The following BCHE variants were observed in gnomAD, a reference collection of about 807,000 sequenced individuals.
The protein encoded by BCHE is cholinesterase.
In BCHE, 48 loss-of-function variants were observed where a neutral mutation model predicts 51.3. The observed-to-expected ratio is 0.94, with a 90% CI of 0.74 to 1.19. The LOEUF (loss-of-function observed/expected upper bound fraction) is 1.19, where lower values mean the gene tolerates loss of function less well. BCHE is among the 50% of genes most tolerant of loss of function. The pLI is 0.00. For synonymous variants in BCHE, 251 were observed against 238.0 expected (o/e 1.05, Z -0.50); for missense variants, 847 against 708.2 (o/e 1.20, Z -2.23).
intron 2 of BCHE, among the ~76,000 whole-genome samples, chr3:165,814,335 T>A (rs1038200287): frequency 6.6e-6 from 1 of 152,092 alleles, no homozygotes; most frequent in Non-Finnish European, 1.5e-5. Flanking sequence ...ACCATTTTTT[T>A]AAGAAGATAA....
chr3:165,830,190 T>C lies in BCHE; in HGVS notation c.844A>G (p.Arg282Gly), dbSNP rs746642541. ...TTGATTATTTCAGTCTCATTCTCTCTAGAGCAACCAGTCAATTTAGCTAAG... is the reference window on the plus strand; with the variant it reads ...TTGATTATTTCAGTCTCATTCTCTCCAGAGCAACCAGTCAATTTAGCTAAG... Reference protein sequence around the residue: ...LNLAKLTGCSRENETEIIKCL... With the variant: ...LNLAKLTGCSGENETEIIKCL... Residue 282 changes from arginine to glycine, a missense_variant, in exon 2 of 4, where the codon AGA becomes GGA. By Grantham distance (125) the Arg-to-Gly change is moderately radical. Coordinates refer to ENST00000264381, the MANE Select transcript of BCHE (RefSeq NM_000055.4). 19 of 1,614,008 alleles carry C rather than the reference T, an allele frequency of 1.2e-5. No homozygotes were observed. The highest frequency in any genetic ancestry group is 1.6e-5 in the Non-Finnish European group (19 of 1,179,930).
chr3:165,801,384 G>A (rs1713637903), intron 2 of BCHE, among the ~76,000 whole-genome samples: 1 of 152,184 alleles, frequency 6.6e-6, no homozygotes, highest in Admixed American at 6.5e-5. Flanking sequence ...ATTCAGAAAT[G>A]TCTATCTGAG....
chr3:165,775,602 A>G (rs1712440273), intron 3 of BCHE, among the ~76,000 whole-genome samples: 1 of 151,742 alleles, frequency 6.6e-6, no homozygotes, highest in South Asian at 2.1e-4. Flanking sequence ...CCTTATAGAA[A>G]GAGTCCTAGA....
Position 165,830,790 on chromosome 3 carries a change from C to G in BCHE, c.244G>C (p.Asp82His). Residue 82 changes from aspartate to histidine, a missense_variant, in exon 2 of 4, where the codon GAT (aspartate) becomes CAT (histidine). Asp to His is a moderately conservative substitution (Grantham distance 81). Coordinates refer to ENST00000264381, the MANE Select transcript of BCHE (RefSeq NM_000055.4). ...KKPQSLTKWS[D>H]IWNATKYANS... Reference sequence around the variant, plus strand: ...GCATATTTTGTGGCATTCCAAATATCAGACCACTTGGTCAGAGACTGTGGC... The same window carrying G: ...GCATATTTTGTGGCATTCCAAATATGAGACCACTTGGTCAGAGACTGTGGC... 1 of 1,613,694 alleles carries G rather than the reference C, an allele frequency of 6.2e-7. No homozygotes were observed. Among genetic ancestry groups the G allele is most frequent in the Non-Finnish European group, 8.5e-7 (1 of 1,179,802 alleles).
intron 2 of BCHE, among the ~76,000 whole-genome samples, chr3:165,801,767 G>C (rs541447443): frequency 1.3e-5 from 2 of 152,066 alleles, no homozygotes; most frequent in Admixed American, 6.6e-5. Context: ...TGACCATTCA[G>C]ATTCTGAGTT....
intron 3 of BCHE, among the ~76,000 whole-genome samples, chr3:165,783,218 A>T (rs140195425): frequency 4.6e-5 from 7 of 152,092 alleles, no homozygotes; most frequent in Non-Finnish European, 1.0e-4. Flanking sequence ...TGGAATGCAT[A>T]TTTCTTTATG....
At chr3:165,787,194 T>G (rs1712987574) in intron 2 of BCHE, among the ~76,000 whole-genome samples, 1 of 151,894 alleles carries the variant, frequency 6.6e-6, no homozygotes, top group South Asian at 2.1e-4. Flanking sequence ...TTTCAATATC[T>G]ACAGTGTTGA....
At position 165,830,284 on chromosome 3, in the gene BCHE, C is replaced by A; in HGVS notation, c.750G>T (p.Leu250=). 4 of 1,613,988 alleles carry A rather than the reference C, an allele frequency of 2.5e-6. No individual in the cohort carries two copies. The highest frequency in any genetic ancestry group is 3.4e-6 in the Non-Finnish European group (4 of 1,179,930). ...GSHSLFTRAI[L]QSGSFNAPWA... ...AAGGAGCATTAAAGGATCCACTTTG[C>A]AGAATGGCTCTGGTGAACAATGAAT... The change falls in exon 2 of 4, where the codon CTG becomes CTT. Residue 250 remains leucine, a synonymous_variant. Transcript: ENST00000264381.
In BCHE at chr3:165,830,549, G is replaced by A. The variant is rs1384581858; in HGVS notation, c.485C>T (p.Ala162Val). 1.2e-6 allele frequency: 2 copies of A among 1,613,898 alleles called. No individual in the cohort carries two copies. ...CACTACAATAACTCTTTCAACCCGA[G>A]CCAGAAACTTGCCATCATAAACATG... The part of the protein sequence containing the change: ...SLHVYDGKFL[A>V]RVERVIVVSM... The change falls in exon 2 of 4, where the codon GCT becomes GTT. Residue 162 changes from alanine (A) to valine (V), a missense_variant. Transcript: ENST00000264381.
At position 165,798,071 on chromosome 3, in the gene BCHE, GACA is replaced by G. The variant is rs1713489490; in HGVS notation, c.1518-11763_1518-11761del. On this transcript the variant is annotated intron_variant, in intron 2 of 3. Transcript: ENST00000264381. Reference sequence around the variant, plus strand: ...TAGACTTTAAGGCTCCGTAATAGCAGACAACATGTCTGTTTTTTTGACTCTTGT... The same window carrying G: ...TAGACTTTAAGGCTCCGTAATAGCAGACATGTCTGTTTTTTTGACTCTTGT... Among the ~76,000 whole-genome samples, 3 of 152,114 alleles carry G rather than the reference GACA, an allele frequency of 2.0e-5. 1 individual carries two copies. Among genetic ancestry groups the G allele is most frequent in the Admixed American group, 1.3e-4 (2 of 15,256 alleles).
At position 165,829,589 on chromosome 3, in the gene BCHE, T is replaced by A; in HGVS notation, c.1445A>T (p.Asp482Val). Residue 482 changes from aspartate to valine, a missense_variant, in exon 2 of 4, where the codon GAT becomes GTT. Coordinates refer to ENST00000264381, the MANE Select transcript of BCHE (RefSeq NM_000055.4). ...AATTTCCTCGGCTTTTGTGTAATTA[T>A]CTCTTCTTTCCAGAGGTAAACCAAA... ...FVFGLPLERR[D>V]NYTKAEEILS... 1 of 1,613,848 alleles carries A rather than the reference T, an allele frequency of 6.2e-7. No homozygotes were observed. Among genetic ancestry groups the A allele is most frequent in the African/African-American group, 1.3e-5 (1 of 75,030 alleles).
chr3:165,836,568 G>C (rs1468264328), intron 1 of BCHE, among the ~76,000 whole-genome samples: 1 of 151,980 alleles, frequency 6.6e-6, no homozygotes. Flanking sequence ...CCTGGTTAAA[G>C]TGGAACTGAT....
chr3:165,836,582 A>T (rs1715196844), intron 1 of BCHE, among the ~76,000 whole-genome samples: 1 of 152,076 alleles, frequency 6.6e-6, no homozygotes, highest in Non-Finnish European at 1.5e-5. Context: ...AACTGATGTT[A>T]TCAAAATAAT....
At chr3:165,804,770 G>A (rs1713811071) in intron 2 of BCHE, among the ~76,000 whole-genome samples, 1 of 152,142 alleles carries the variant, frequency 6.6e-6, no homozygotes, top group Admixed American at 6.5e-5. Flanking sequence ...ATTAATGCCA[G>A]GCAACATTAA....
chr3:165,773,379 T>C lies in BCHE; in HGVS notation c.*3A>G. ...TATGTTCTATAAAGGGTAAATCTAT[T>C]AATTAGAGACCCACACAACTTTCTT... is the stretch of plus-strand genomic sequence containing the variant. On this transcript the variant is annotated 3_prime_UTR_variant, in exon 4 of 4. Transcript: ENST00000264381. 6 of 1,609,726 alleles carry C rather than the reference T, an allele frequency of 3.7e-6. No homozygotes were observed. The highest frequency in any genetic ancestry group is 5.1e-6 in the Non-Finnish European group (6 of 1,176,814).
chr3:165,803,543 T>G (rs1713748798), intron 2 of BCHE, among the ~76,000 whole-genome samples: 1 of 152,238 alleles, frequency 6.6e-6, no homozygotes, highest in African/African-American at 2.4e-5. Flanking sequence ...AGACTATATT[T>G]CTTACTATTC....
At chr3:165,827,240 T>C (rs1714755207) in intron 2 of BCHE, among the ~76,000 whole-genome samples, 4 of 152,034 alleles carry the variant, frequency 2.6e-5, no homozygotes, top group Admixed American at 1.3e-4. Flanking sequence ...CACAAATATA[T>C]AATGTTATTA....
At chr3:165,834,848 T>A (rs750974746) in intron 1 of BCHE, among the ~76,000 whole-genome samples, 1 of 151,898 alleles carries the variant, frequency 6.6e-6, no homozygotes, top group Non-Finnish European at 1.5e-5. Context: ...GCAGGTTTGA[T>A]CGTTTTTCTT....
At position 165,816,897 on chromosome 3, in the gene BCHE, A is replaced by G. The variant is rs1266903866; in HGVS notation, c.1517+12620T>C. 3.9e-5 allele frequency among the ~76,000 whole-genome samples: 6 copies of G among 151,998 alleles called. No individual in the cohort carries two copies. In the Admixed American group the frequency reaches 3.9e-4, roughly 10 times the overall value. ...TCATAGCTTTAAACACCATCTTCATACTTTTAGATACCAAATTTATAGCCC... is the reference window on the plus strand; with the variant it reads ...TCATAGCTTTAAACACCATCTTCATGCTTTTAGATACCAAATTTATAGCCC... On this transcript the variant is annotated intron_variant, in intron 2 of 3. Transcript: ENST00000264381.
Sources: gnomAD v4.1 joint callset for allele counts (sites outside exome capture counted in the v4.1 genomes callset) on GRCh38, gnomAD v4.1.1 for gene constraint, MANE v1.5 for transcripts, NCBI Gene and HGNC (gene_info 2026-07-23, HGNC 2026-07-21) for gene names.